The following SCRN1 variants were observed in gnomAD, a reference collection of about 807,000 sequenced individuals.
The protein encoded by SCRN1 is secernin 1, also known as secernin-1.
In SCRN1, 19 loss-of-function variants were observed where a neutral mutation model predicts 43.3. That is an observed-to-expected ratio of 0.44 (90% CI 0.31 to 0.64). SCRN1 has a LOEUF of 0.64. SCRN1 is among the 30% of genes least tolerant of loss of function. The pLI, the probability that SCRN1 is intolerant of heterozygous loss-of-function variation, is 0.09. For synonymous variants in SCRN1, 183 were observed against 188.9 expected, an observed-to-expected ratio of 0.97 and a Z score of 0.26; for missense variants, 447 against 524.1, an observed-to-expected ratio of 0.85 and a Z score of 1.44.
At chr7:29,956,008 G>A (rs1788124438) in intron 2 of SCRN1, among the ~76,000 whole-genome samples, 1 of 152,210 alleles carries the variant, frequency 6.6e-6, no homozygotes, top group Non-Finnish European at 1.5e-5. Flanking sequence ...ATCTCCAGCT[G>A]CTGTCAGAAC....
In SCRN1 at chr7:29,984,959, A is replaced by C. The variant is rs577858600; in HGVS notation, c.-2+4683T>G. 3.0e-4 allele frequency among the ~76,000 whole-genome samples: 43 copies of C among 144,362 alleles called. 2 individuals are homozygous for C. In the South Asian group the frequency reaches 8.7e-3, roughly 29 times the overall value. 94.7% of individuals were successfully genotyped at this position (144,362 alleles called of 152,430 possible). On this transcript the variant is annotated intron_variant, in intron 1 of 7. Transcript: ENST00000242059. ...GAATTACAAATTAAAATAAGGAGCCAATTAAATATATAAGGTGAACAAAGA... is the reference window on the plus strand; with the variant it reads ...GAATTACAAATTAAAATAAGGAGCCCATTAAATATATAAGGTGAACAAAGA...
upstream of SCRN1, chr7:29,990,151 A>T (rs1464449105): frequency 1.9e-6 from 3 of 1,551,544 alleles, no homozygotes; most frequent in South Asian, 3.6e-5. Context: ...CGCCCACACA[A>T]GATTTCCCCG....
upstream of SCRN1, chr7:29,990,145 C>T (rs950444243): frequency 1.3e-6 from 2 of 1,551,594 alleles, no homozygotes; most frequent in Middle Eastern, 1.7e-4. Flanking sequence ...CCTCGGCGCC[C>T]ACACAAGATT....
intron 2 of SCRN1, among the ~76,000 whole-genome samples, chr7:29,968,192 G>A (rs763608035): frequency 2.0e-5 from 3 of 152,140 alleles, no homozygotes; most frequent in Non-Finnish European, 4.4e-5. Context: ...CCACTTCAGT[G>A]CTGTTTGTAA....
chr7:29,955,944 C>G (rs908917283), intron 2 of SCRN1, among the ~76,000 whole-genome samples: 2 of 152,168 alleles, frequency 1.3e-5, no homozygotes, highest in Non-Finnish European at 2.9e-5. Flanking sequence ...CCCATTTGAT[C>G]CTCACACTAA....
intron 1 of SCRN1, among the ~76,000 whole-genome samples, chr7:29,972,451 GC>G (rs1273688108): frequency 6.6e-6 from 1 of 152,134 alleles, no homozygotes; most frequent in Non-Finnish European, 1.5e-5. Flanking sequence ...CTATTGTTTG[GC>G]CAAGGCACCT....
rs988302837 is a variant in SCRN1, at chr7:29,922,693, G to C, written c.*1264C>G. Reference sequence around the variant, plus strand: ...GACATGTGAGGTGTGAGGAGTGGGGGGAAGATCCAGGGAAGTCAGCTGCTT... The same window carrying C: ...GACATGTGAGGTGTGAGGAGTGGGGCGAAGATCCAGGGAAGTCAGCTGCTT... On this transcript the variant is annotated 3_prime_UTR_variant, in exon 8 of 8. Transcript: ENST00000242059. 2 of 152,376 alleles carry C rather than the reference G, an allele frequency of 1.3e-5. No individual in the cohort carries two copies. The highest frequency in any genetic ancestry group is 2.9e-5 in the Non-Finnish European group (2 of 68,176). The allele number at this position is 152,376 out of a possible 1,614,324, so 9.4% of individuals were successfully genotyped here.
At chr7:29,987,796 T>C (rs1367715641) in intron 1 of SCRN1, among the ~76,000 whole-genome samples, 4 of 152,192 alleles carry the variant, frequency 2.6e-5, no homozygotes, top group Non-Finnish European at 5.9e-5. Flanking sequence ...GACCTGGATT[T>C]GGGTTCTCAC....
intron 2 of SCRN1, among the ~76,000 whole-genome samples, chr7:29,959,094 A>G (rs1788225685): frequency 6.6e-6 from 1 of 152,216 alleles, no homozygotes; most frequent in African/African-American, 2.4e-5. Context: ...CACCCCATCC[A>G]CATTCCAGCA....
intron 3 of SCRN1, among the ~76,000 whole-genome samples, chr7:29,947,977 G>GA (rs1787790308): frequency 6.6e-6 from 1 of 152,158 alleles, no homozygotes; most frequent in Non-Finnish European, 1.5e-5. Context: ...CAGTCTCTAG[G>GA]AATGTGAAAA....
chr7:29,946,528 G>A (rs937728114), intron 3 of SCRN1, among the ~76,000 whole-genome samples: 5 of 152,184 alleles, frequency 3.3e-5, no homozygotes, highest in Admixed American at 1.3e-4. Context: ...CCCTGTCTTC[G>A]GAGCTTGTGA....
chr7:29,971,303 G>A (rs1788658707), intron 1 of SCRN1, among the ~76,000 whole-genome samples: 1 of 152,194 alleles, frequency 6.6e-6, no homozygotes. Context: ...TTGAGAACAT[G>A]TTTTGCAAAC....
chr7:29,947,298 C>T lies in SCRN1; in HGVS notation c.342-3119G>A, dbSNP rs907519524. The T allele has an allele frequency of 7.7e-6, 12 of 1,550,816 alleles. 1 individual carries two copies. The highest frequency in any genetic ancestry group is 1.7e-4 in the Middle Eastern group (1 of 5,994). ...ACAGGTATGTCAAGCTCACCCTGCC[C>T]GTTCCTGAAAAGTTAACACATCTCA... On this transcript the variant is annotated intron_variant, in intron 3 of 7. Coordinates refer to ENST00000242059, the MANE Select transcript of SCRN1 (RefSeq NM_014766.5).
chr7:29,964,857 G>A (rs1189802079), intron 2 of SCRN1, among the ~76,000 whole-genome samples: 2 of 152,060 alleles, frequency 1.3e-5, no homozygotes, highest in East Asian at 1.9e-4. Flanking sequence ...CAAGAGCATC[G>A]CTTGAACCCG....
chr7:29,948,516 T>G (rs1484648797), intron 3 of SCRN1, among the ~76,000 whole-genome samples: 4 of 152,220 alleles, frequency 2.6e-5, no homozygotes, highest in Non-Finnish European at 5.9e-5. Context: ...TTTCCAAATT[T>G]TCACACTGGC....
At chr7:29,970,219 T>C (rs1159550422) in intron 1 of SCRN1, among the ~76,000 whole-genome samples, 1 of 152,148 alleles carries the variant, frequency 6.6e-6, no homozygotes, top group African/African-American at 2.4e-5. Context: ...AAGACCAAAA[T>C]ATGATCAAGT....
intron 1 of SCRN1, among the ~76,000 whole-genome samples, chr7:29,980,563 G>A (rs891336224): frequency 6.6e-6 from 1 of 152,120 alleles, no homozygotes; most frequent in Admixed American, 6.5e-5. Context: ...CCTTAAAATG[G>A]TCGTTAGCCA....
intron 5 of SCRN1, among the ~76,000 whole-genome samples, 178 bp from the exon 6 acceptor site, chr7:29,936,899 A>G (rs1460675051): frequency 6.6e-6 from 1 of 152,122 alleles, no homozygotes; most frequent in South Asian, 2.1e-4. Flanking sequence ...ACAAAAAAAA[A>G]GCCAGGGGTG....
intron 1 of SCRN1, among the ~76,000 whole-genome samples, chr7:29,985,120 G>C (rs1789110248): frequency 7.1e-6 from 1 of 141,344 alleles, no homozygotes. Flanking sequence ...AAAGGAAGGA[G>C]ACTGGGCTGG....
Sources: gnomAD v4.1 joint callset for allele counts (sites outside exome capture counted in the v4.1 genomes callset) on GRCh38, gnomAD v4.1.1 for gene constraint, MANE v1.5 for transcripts, NCBI Gene and HGNC (gene_info 2026-07-23, HGNC 2026-07-21) for gene names.